The following HOOK1 variants were observed in gnomAD, a reference collection of about 807,000 sequenced individuals.
The protein encoded by HOOK1 is hook microtubule tethering protein 1, also known as protein Hook homolog 1.
A neutral mutation model predicts 112.8 loss-of-function variants in HOOK1; 60 were observed. The ratio of observed to expected loss-of-function variants is 0.53; its 90% CI spans 0.43 to 0.66. The LOEUF is 0.66. HOOK1 is among the 30% of genes least tolerant of loss of function. The pLI is 0.00. For missense variants in HOOK1, 770 were observed against 856.0 expected (o/e 0.90, Z 1.25); for synonymous variants, 294 against 283.8 (o/e 1.04, Z -0.36).
intron 1 of HOOK1, among the ~76,000 whole-genome samples, chr1:59,818,702 G>T (rs2098383389): frequency 1.3e-5 from 2 of 152,174 alleles, no homozygotes; most frequent in African/African-American, 4.8e-5. Context: ...TTGACAGGCA[G>T]ATGAAGGAAA....
intron 12 of HOOK1, among the ~76,000 whole-genome samples, chr1:59,852,372 A>G (rs2098407598): frequency 1.3e-5 from 2 of 151,704 alleles, no homozygotes; most frequent in South Asian, 2.1e-4. Context: ...TAGTGTTACT[A>G]GTTTGTTTCT....
chr1:59,872,886 C>G lies in HOOK1; in HGVS notation c.2108C>G (p.Ser703Cys). 1 of 1,530,178 alleles carries G rather than the reference C, an allele frequency of 6.5e-7. No individual in the cohort carries two copies. Among genetic ancestry groups the G allele is most frequent in the Non-Finnish European group, 8.8e-7 (1 of 1,132,114 alleles). The allele number at this position is 1,530,178 out of a possible 1,614,324, so 94.8% of individuals were successfully genotyped here. Reference protein sequence around the residue: ...SDTGACTPARSFLAQQRHITN... With the variant: ...SDTGACTPARCFLAQQRHITN... The stretch of plus-strand genomic sequence containing the variant: ...ACTGGTGCGTGCACTCCTGCGCGGT[C>G]TTTCTTAGCGCAGCAACGGCACATC... The change falls in exon 22 of 22, where the codon TCT (serine) becomes TGT (cysteine). Residue 703 changes from serine (S) to cysteine (C), a missense_variant. Physicochemically the swap from Ser to Cys is moderately radical, Grantham distance 112. Transcript: ENST00000371208.
chr1:59,815,680 C>T (rs2101995402), intron 1 of HOOK1, among the ~76,000 whole-genome samples: 1 of 152,080 alleles, frequency 6.6e-6, no homozygotes, highest in East Asian at 1.9e-4. Context: ...TTTTAGTTCC[C>T]GGACCAATGC....
chr1:59,854,913 T>C (rs927640591), intron 12 of HOOK1, among the ~76,000 whole-genome samples: 6 of 152,130 alleles, frequency 3.9e-5, no homozygotes, highest in Non-Finnish European at 5.9e-5. Context: ...ATGCAAGATA[T>C]ACAAAGAAAC....
At chr1:59,844,384 A>G (rs2098402543) in intron 9 of HOOK1, among the ~76,000 whole-genome samples, 1 of 151,906 alleles carries the variant, frequency 6.6e-6, no homozygotes, top group African/African-American at 2.4e-5. Flanking sequence ...TTATTTTCAC[A>G]TTATTGTGAA....
intron 5 of HOOK1, among the ~76,000 whole-genome samples, 200 bp from the exon 6 acceptor site, chr1:59,835,145 A>G (rs146742092): frequency 6.6e-6 from 1 of 152,298 alleles, no homozygotes; most frequent in East Asian, 1.9e-4. Flanking sequence ...AACAATCTCA[A>G]TCTTGAAAGA....
intron 12 of HOOK1, among the ~76,000 whole-genome samples, chr1:59,853,838 A>C (rs945017114): frequency 6.6e-6 from 1 of 151,140 alleles, no homozygotes; most frequent in African/African-American, 2.4e-5. Context: ...TCAATAGTAT[A>C]CTGAAAACTA....
chr1:59,842,784 A>C (rs1244288842), intron 8 of HOOK1, among the ~76,000 whole-genome samples: 1 of 152,124 alleles, frequency 6.6e-6, no homozygotes, highest in African/African-American at 2.4e-5. Flanking sequence ...AAAGAAGTAG[A>C]ACCAGGAGAG....
chr1:59,848,031 T>C (rs1393390208), intron 10 of HOOK1, among the ~76,000 whole-genome samples: 1 of 151,698 alleles, frequency 6.6e-6, no homozygotes, highest in Non-Finnish European at 1.5e-5. Flanking sequence ...TTATTTTTTA[T>C]TCATTGTGCT....
chr1:59,871,031 CT>C lies in HOOK1; in HGVS notation c.1948-5del. On this transcript the variant is annotated splice_polypyrimidine_tract_variant and intron_variant, in intron 20 of 21. Transcript: ENST00000371208. ...TCTGGGATTTTAATTGTTCTCATATCTTTTTTCCAGAGTGAATGCAAAGTAG... is the reference window on the plus strand; with the variant it reads ...TCTGGGATTTTAATTGTTCTCATATCTTTTTCCAGAGTGAATGCAAAGTAG... The C allele has an allele frequency of 1.3e-6, 2 of 1,569,574 alleles. No individual in the cohort carries two copies. Among genetic ancestry groups the C allele is most frequent in the Non-Finnish European group, 1.8e-6 (2 of 1,140,918 alleles).
chr1:59,834,982 T>C (rs2098396529), intron 5 of HOOK1, among the ~76,000 whole-genome samples: 1 of 152,122 alleles, frequency 6.6e-6, no homozygotes, highest in African/African-American at 2.4e-5. Flanking sequence ...TTATATGTAA[T>C]ATTTTCATAA....
chr1:59,853,521 G>T (rs912033780), intron 12 of HOOK1, among the ~76,000 whole-genome samples: 1 of 151,588 alleles, frequency 6.6e-6, no homozygotes, highest in South Asian at 2.1e-4. Flanking sequence ...GCATTTACTT[G>T]GATCATTTTT....
At chr1:59,823,695 A>G (rs556386132) in intron 2 of HOOK1, among the ~76,000 whole-genome samples, 34 of 152,348 alleles carry the variant, frequency 2.2e-4, no homozygotes, top group South Asian at 6.2e-4. Flanking sequence ...TTGACCTCCT[A>G]TGCTCTAGCA....
At chr1:59,826,401 G>T (rs1174207268) in intron 2 of HOOK1, among the ~76,000 whole-genome samples, 1 of 152,038 alleles carries the variant, frequency 6.6e-6, no homozygotes, top group East Asian at 1.9e-4. Context: ...TTTAATAGTG[G>T]AAAAGGTTGA....
In HOOK1 at chr1:59,833,555, A is replaced by AT. The variant is rs1245208169; in HGVS notation, c.406+21dup. 8 of 1,515,284 alleles carry AT rather than the reference A, an allele frequency of 5.3e-6. 1 individual carries two copies. In the African/African-American group the frequency reaches 1.1e-4, roughly 21 times the overall value. 93.9% of individuals were successfully genotyped at this position (1,515,284 alleles called of 1,614,324 possible). On this transcript the variant is annotated intron_variant, in intron 5 of 21. Transcript: ENST00000371208. ...GAAGCAAGGTAAGTGAATTTCAATC[A>AT]TTTGAGGATTTCTACTTTCTAGAAA...
At chr1:59,870,306 A>G (rs760802011) in intron 20 of HOOK1, among the ~76,000 whole-genome samples, 2 of 152,236 alleles carry the variant, frequency 1.3e-5, no homozygotes, top group Non-Finnish European at 2.9e-5. Flanking sequence ...GTATTCATCT[A>G]GACACACACT....
At chr1:59,861,446 C>G (rs2098413559) in intron 15 of HOOK1, among the ~76,000 whole-genome samples, 1 of 152,186 alleles carries the variant, frequency 6.6e-6, no homozygotes, top group African/African-American at 2.4e-5. Flanking sequence ...AGGAAGACTG[C>G]AGATAATGAG....
chr1:59,855,966 T>A (rs1310536607), intron 12 of HOOK1, among the ~76,000 whole-genome samples: 63 of 71,170 alleles, frequency 8.9e-4, no homozygotes, highest in African/African-American at 3.1e-3. Context: ...ATATAAATTA[T>A]TATATATATA....
At chr1:59,862,147 A>C (rs1472726411) in intron 15 of HOOK1, among the ~76,000 whole-genome samples, 1 of 152,204 alleles carries the variant, frequency 6.6e-6, no homozygotes, top group Non-Finnish European at 1.5e-5. Context: ...TAAATAGATA[A>C]TTGCTATATT....
Sources: allele counts gnomAD v4.1 joint callset (sites outside exome capture counted in the v4.1 genomes callset), GRCh38; gene constraint gnomAD v4.1.1; transcripts MANE v1.5; gene names NCBI Gene and HGNC (gene_info 2026-07-23, HGNC 2026-07-21).